Variants in NR4A1 observed in about 807,000 individuals in gnomAD.
NR4A1 encodes the protein nuclear receptor subfamily 4immunitygroup A member 1.
In NR4A1, 24 loss-of-function variants were observed where a neutral mutation model predicts 47.5. That is an observed-to-expected ratio of 0.50 (90% CI 0.37 to 0.71). The LOEUF (loss-of-function observed/expected upper bound fraction) is 0.71, where lower values mean the gene tolerates loss of function less well. NR4A1 is among the 30% of genes least tolerant of loss of function. NR4A1 has a pLI of 0.00. For missense variants in NR4A1, 669 were observed against 788.6 expected (o/e 0.85, Z 1.82); for synonymous variants, 353 against 345.7 (o/e 1.02, Z -0.24).
At chr12:52,050,296 G>C (rs1268835549), upstream of NR4A1, among the ~76,000 whole-genome samples, 1 of 152,158 alleles carries the variant, frequency 6.6e-6, no homozygotes, top group Non-Finnish European at 1.5e-5. Context: ...CCCCACAGGT[G>C]CTGGAGGTAG....
chr12:52,035,406 T>G (rs1443643453), intron 1 of NR4A1, among the ~76,000 whole-genome samples: 1 of 152,182 alleles, frequency 6.6e-6, no homozygotes, highest in Admixed American at 6.5e-5. Context: ...TTTCCCTTCC[T>G]GTCTAAATAA....
At chr12:52,056,854 C>A in intron 4 of NR4A1, 1 of 795,694 alleles carries the variant, frequency 1.3e-6, no homozygotes, top group Non-Finnish European at 1.9e-6. Flanking sequence ...CCCCCTCAGG[C>A]AGGTGGCCAA....
Position 52,057,379 on chromosome 12 carries a change from C to T in NR4A1, c.1389C>T (p.Ile463=). The change falls in exon 6 of 7, where the codon ATC becomes ATT. Residue 463 remains isoleucine (I), a synonymous_variant. Transcript: ENST00000394825. Reference sequence around the variant, plus strand: ...CTAAGCCAGGCGAGGGCAAGCTCATCTTCTGCTCAGGCCTGGTGCTACACC... The same window carrying T: ...CTAAGCCAGGCGAGGGCAAGCTCATTTTCTGCTCAGGCCTGGTGCTACACC... The part of the protein sequence containing the change: ...YRSKPGEGKL[I]FCSGLVLHRL... 4.3e-6 allele frequency: 7 copies of T among 1,614,248 alleles called. No homozygotes were observed. Among genetic ancestry groups the T allele is most frequent in the South Asian group, 1.1e-5 (1 of 91,086 alleles).
intron 1 of NR4A1, among the ~76,000 whole-genome samples, chr12:52,040,900 G>T (rs1172937218): frequency 6.6e-6 from 1 of 152,202 alleles, no homozygotes; most frequent in African/African-American, 2.4e-5. Context: ...CTGGTGCGTA[G>T]TCGAGAGGAG....
exon 2 of NR4A1, chr12:52,041,883 A>G: frequency 6.5e-7 from 1 of 1,533,356 alleles, no homozygotes; most frequent in Non-Finnish European, 8.7e-7. Context: ...CCCTGAAGGC[A>G]GACGGGATAA....
chr12:52,058,050 C>T (rs974605298), intron 6 of NR4A1, among the ~76,000 whole-genome samples: 1 of 152,116 alleles, frequency 6.6e-6, no homozygotes, highest in African/African-American at 2.4e-5. Context: ...TCTCGAACTC[C>T]TGGGCTCAAA....
upstream of NR4A1, chr12:52,051,359 G>T (rs2120405785): frequency 2.0e-6 from 2 of 984,934 alleles, no homozygotes; most frequent in East Asian, 1.1e-4. Flanking sequence ...GCCAAAGCTC[G>T]ACGGGCGGCC....
intron 1 of NR4A1, among the ~76,000 whole-genome samples, chr12:52,031,193 A>G (rs1197020021): frequency 6.6e-6 from 1 of 151,726 alleles, no homozygotes; most frequent in Non-Finnish European, 1.5e-5. Context: ...TTTAATTATT[A>G]TTATTACTTT....
chr12:52,041,509 G>C (rs1314647319), intron 1 of NR4A1, among the ~76,000 whole-genome samples: 2 of 152,174 alleles, frequency 1.3e-5, no homozygotes, highest in African/African-American at 4.8e-5. Context: ...CAAAGGCCGA[G>C]AGCCAGGAAG....
intron 2 of NR4A1, chr12:52,043,613 C>A: frequency 9.2e-7 from 1 of 1,081,414 alleles, no homozygotes; most frequent in Non-Finnish European, 1.2e-6. Context: ...TGACCTGGGC[C>A]AAAGTCAGGT....
intron 1 of NR4A1, among the ~76,000 whole-genome samples, chr12:52,040,622 T>G (rs1007182967): frequency 3.3e-5 from 5 of 152,182 alleles, no homozygotes; most frequent in Admixed American, 6.5e-5. Context: ...GGCCTTTTCC[T>G]GCTTCCCATC....
chr12:52,040,655 G>A (rs1938399298), intron 1 of NR4A1, among the ~76,000 whole-genome samples: 1 of 152,174 alleles, frequency 6.6e-6, no homozygotes, highest in African/African-American at 2.4e-5. Flanking sequence ...TCGGGAGGGA[G>A]GGGTGCTGAC....
intron 1 of NR4A1, among the ~76,000 whole-genome samples, chr12:52,031,354 C>G (rs1938123278): frequency 1.3e-5 from 2 of 151,604 alleles, no homozygotes; most frequent in Non-Finnish European, 1.5e-5. Flanking sequence ...AAGCTACTTC[C>G]CGCCAGGCAC....
upstream of NR4A1, among the ~76,000 whole-genome samples, chr12:52,048,950 T>C (rs973257424): frequency 6.6e-6 from 1 of 152,098 alleles, no homozygotes; most frequent in Non-Finnish European, 1.5e-5. Flanking sequence ...GGATCCTGGA[T>C]GGGTCCAATT....
At chr12:52,029,618 G>A (rs982319776) in intron 1 of NR4A1, among the ~76,000 whole-genome samples, 2 of 152,176 alleles carry the variant, frequency 1.3e-5, no homozygotes, top group Non-Finnish European at 2.9e-5. Flanking sequence ...AGCCAGGGAG[G>A]CTGAGGCTGC....
rs566304343 is a variant in NR4A1, at chr12:52,023,448, G to A, written c.-84+509G>A. Among the ~76,000 whole-genome samples the A allele has an allele frequency of 2.0e-5, 3 of 152,298 alleles. No homozygotes were observed. In the South Asian group the frequency reaches 6.2e-4, roughly 32 times the overall value. On this transcript the variant is annotated intron_variant, in intron 1 of 7. Coordinates refer to the NR4A1 transcript ENST00000360284. ...ATCTGGGAAGGAAGCAGGTGGCAGC[G>A]CCGGAGTGAGTAACCGCCTCCCGAG...
At chr12:52,048,124 A>G (rs922205080), upstream of NR4A1, among the ~76,000 whole-genome samples, 10 of 151,390 alleles carry the variant, frequency 6.6e-5, no homozygotes, top group South Asian at 2.1e-3. Flanking sequence ...ACTTCACTCT[A>G]GCCTGGGCGA....
upstream of NR4A1, among the ~76,000 whole-genome samples, chr12:52,046,939 G>A (rs1404264144): frequency 6.6e-6 from 1 of 152,164 alleles, no homozygotes; most frequent in Non-Finnish European, 1.5e-5. Context: ...TGCAAAGTGG[G>A]TGGTGGGAAG....
upstream of NR4A1, among the ~76,000 whole-genome samples, chr12:52,047,399 CT>C (rs1307639039): frequency 4.7e-4 from 71 of 152,376 alleles, no homozygotes; most frequent in African/African-American, 1.7e-3. Flanking sequence ...CCCCAAGCCC[CT>C]TTCACCTCTC....
Sources: gnomAD v4.1 joint callset for allele counts (sites outside exome capture counted in the v4.1 genomes callset) on GRCh38, gnomAD v4.1.1 for gene constraint, MANE v1.5 for transcripts, NCBI Gene and HGNC (gene_info 2026-07-23, HGNC 2026-07-21) for gene names.